WDR25: variants seen among roughly 807,000 people sequenced by gnomAD.
WDR25 encodes the protein WD repeat-containing protein 25.
WDR25 carries 35 observed loss-of-function variants against 47.7 expected under a neutral mutation model. That is an observed-to-expected ratio of 0.73 (90% CI 0.56 to 0.97). The LOEUF is 0.97. WDR25 is among the 50% of genes least tolerant of loss of function. The probability of loss-of-function intolerance (pLI) is 0.00; values close to 1 mark genes in which losing one functional copy is unlikely to be tolerated. For missense variants in WDR25, 634 were observed against 704.7 expected, an observed-to-expected ratio of 0.90 and a Z score of 1.14; for synonymous variants, 248 against 278.9, an observed-to-expected ratio of 0.89 and a Z score of 1.10.
At chr14:100,493,107 C>G (rs1428931443) in intron 4 of WDR25, among the ~76,000 whole-genome samples, 2 of 152,198 alleles carry the variant, frequency 1.3e-5, no homozygotes, top group African/African-American at 4.8e-5. Flanking sequence ...CACATTGGGC[C>G]TAAAGTAAAT....
At chr14:100,480,718 A>C (rs1442859707) in intron 3 of WDR25, among the ~76,000 whole-genome samples, 2 of 152,136 alleles carry the variant, frequency 1.3e-5, no homozygotes, top group Non-Finnish European at 2.9e-5. Context: ...TTTAAGTGAA[A>C]ATTTCAGTGG....
Position 100,484,033 on chromosome 14 carries a change from C to T in WDR25, c.1010C>T (p.Thr337Ile). ...AGTGGTCGAAGTGACTTTAGAATCACTACCTTGAAATTCCATCCAAAAGAC... is the reference window on the plus strand; with the variant it reads ...AGTGGTCGAAGTGACTTTAGAATCATTACCTTGAAATTCCATCCAAAAGAC... ...LFSGRSDFRI[T>I]TLKFHPKDHN... The change falls in exon 4 of 7, where the codon ACT becomes ATT. Residue 337 changes from threonine (T) to isoleucine (I), a missense_variant. Transcript: ENST00000402312. 1.2e-6 allele frequency: 2 copies of T among 1,613,810 alleles called. No individual in the cohort carries two copies. Among genetic ancestry groups the T allele is most frequent in the Non-Finnish European group, 8.5e-7 (1 of 1,179,920 alleles).
chr14:100,481,439 C>CT (rs34968968), intron 3 of WDR25, among the ~76,000 whole-genome samples: 91,714 of 140,440 alleles, frequency 0.65, 29,622 homozygotes, highest in African/African-American at 0.73. Flanking sequence ...AGTGTAAATG[C>CT]TTTTTTTTTT....
rs923777108 is a variant in WDR25 at position 100,425,753 on chromosome 14, G to T, written c.823-42268G>T. On this transcript the variant is annotated intron_variant, in intron 2 of 6. Transcript: ENST00000402312. This position sits in a 1 kb window ranked among gnomAD's most constrained non-coding sequence, Gnocchi z 4.8. ...TTTGTTAATCTAATAGTTTTCCCTGGCTGAAATTTGTGGACTGTTTACCAA... is the reference window on the plus strand; with the variant it reads ...TTTGTTAATCTAATAGTTTTCCCTGTCTGAAATTTGTGGACTGTTTACCAA... 6.6e-6 allele frequency among the ~76,000 whole-genome samples: 1 copy of T among 152,166 alleles called. No individual in the cohort carries two copies. The highest frequency in any genetic ancestry group is 2.1e-4 in the South Asian group (1 of 4,824).
chr14:100,503,009 G>A (rs933690072), intron 4 of WDR25, among the ~76,000 whole-genome samples: 12 of 151,928 alleles, frequency 7.9e-5, no homozygotes, highest in Non-Finnish European at 1.8e-4. Flanking sequence ...CCATGCATGT[G>A]TGTGTCCATC....
At chr14:100,433,006 A>G (rs996439332) in intron 2 of WDR25, among the ~76,000 whole-genome samples, 4 of 152,258 alleles carry the variant, frequency 2.6e-5, no homozygotes, top group African/African-American at 7.2e-5. Flanking sequence ...TGAACTTAGA[A>G]GAGGTACAGT....
chr14:100,390,055 T>C (rs1029485257), intron 2 of WDR25, among the ~76,000 whole-genome samples: 1 of 152,210 alleles, frequency 6.6e-6, no homozygotes, highest in Non-Finnish European at 1.5e-5. Flanking sequence ...TTCAATGCTT[T>C]TTTTGAATTT....
At chr14:100,450,674 G>C (rs894401324) in intron 2 of WDR25, among the ~76,000 whole-genome samples, 1 of 152,168 alleles carries the variant, frequency 6.6e-6, no homozygotes, top group Admixed American at 6.5e-5. Flanking sequence ...ACATGAATGT[G>C]GAAAGTGATG....
At chr14:100,435,103 A>T (rs1898461315) in intron 2 of WDR25, among the ~76,000 whole-genome samples, 1 of 152,174 alleles carries the variant, frequency 6.6e-6, no homozygotes, top group Admixed American at 6.5e-5. Context: ...ACTCTGGAAG[A>T]GTGGTAATGT....
chr14:100,436,600 A>C (rs775664922), intron 2 of WDR25, among the ~76,000 whole-genome samples: 4 of 152,132 alleles, frequency 2.6e-5, no homozygotes, highest in Non-Finnish European at 5.9e-5. Flanking sequence ...GTTTCCCTTT[A>C]GGCCGGCCAG....
At chr14:100,378,501 G>A (rs1896787513) in intron 1 of WDR25, among the ~76,000 whole-genome samples, 1 of 152,114 alleles carries the variant, frequency 6.6e-6, no homozygotes, top group Non-Finnish European at 1.5e-5. Context: ...GAAATTCATT[G>A]CAGTGTGAAT....
intron 2 of WDR25, among the ~76,000 whole-genome samples, chr14:100,445,258 G>A (rs1049636194): frequency 1.3e-5 from 2 of 152,140 alleles, no homozygotes; most frequent in Non-Finnish European, 2.9e-5. Flanking sequence ...CTTTATTACT[G>A]TTTGTCATTA....
At chr14:100,518,735 C>A (rs528479609) in intron 4 of WDR25, among the ~76,000 whole-genome samples, 4 of 151,978 alleles carry the variant, frequency 2.6e-5, no homozygotes, top group African/African-American at 9.6e-5. Flanking sequence ...TACTAAAATA[C>A]AAAAAATTAG....
intron 2 of WDR25, chr14:100,406,996 G>A (rs1381072349): frequency 2.0e-5 from 3 of 152,440 alleles, no homozygotes; most frequent in East Asian, 1.9e-4. Flanking sequence ...GAGCAGGAGC[G>A]AGGCTGCAGG....
In WDR25 at chr14:100,529,636, TGGGCCCGCATCA is replaced by T. The variant is rs2030377124; in HGVS notation, c.1414-179_1414-168del. The stretch of plus-strand genomic sequence containing the variant: ...GATCTGCTGAACTGGCCTTGGGATG[TGGGCCCGCATCA>T]GGGCTCTACAGCCTCATGGGCGGGA... On this transcript the variant is annotated intron_variant, in intron 6 of 6. Transcript: ENST00000402312. The surrounding 1 kb of genome is among the most constrained non-coding windows in gnomAD (Gnocchi z 5.1). 2.7e-5 allele frequency: 18 copies of T among 671,492 alleles called. No homozygotes were observed. In the East Asian group the frequency reaches 4.9e-4, roughly 18 times the overall value. The allele number at this position is 671,492 out of a possible 1,614,324, so 41.6% of individuals were successfully genotyped here. A position where few individuals can be genotyped will look rare whatever the true frequency, so the allele number is the denominator to read the frequency against.
intron 3 of WDR25, among the ~76,000 whole-genome samples, chr14:100,483,268 C>T (rs1299429637): frequency 2.0e-5 from 3 of 152,210 alleles, no homozygotes; most frequent in Non-Finnish European, 2.9e-5. Flanking sequence ...ACGTTTTCCA[C>T]ACCATACGTA....
At chr14:100,470,998 C>T (rs554082006) in intron 3 of WDR25, among the ~76,000 whole-genome samples, 44 of 152,298 alleles carry the variant, frequency 2.9e-4, no homozygotes, top group Admixed American at 1.5e-3. Flanking sequence ...TCGTTCACTC[C>T]GCAGTTGCTT....
chr14:100,420,402 G>A (rs35898722), intron 2 of WDR25, among the ~76,000 whole-genome samples: 27,147 of 152,066 alleles, frequency 0.18, 2,594 homozygotes, highest in Non-Finnish European at 0.21. Flanking sequence ...CAGCCTTCAG[G>A]ATAGTCATCT....
intron 2 of WDR25, among the ~76,000 whole-genome samples, chr14:100,429,243 G>T (rs747067967): frequency 1.3e-5 from 2 of 152,128 alleles, no homozygotes; most frequent in Non-Finnish European, 2.9e-5. Flanking sequence ...TCAGCTTCTC[G>T]TTTCCTTGGG....
Sources: allele counts gnomAD v4.1 joint callset (sites outside exome capture counted in the v4.1 genomes callset), GRCh38; gene constraint gnomAD v4.1.1; non-coding constraint Gnocchi (gnomAD v3.1); transcripts MANE v1.5; gene names NCBI Gene and HGNC (gene_info 2026-07-23, HGNC 2026-07-21).